LRRC4C: variants seen among roughly 807,000 people sequenced by gnomAD.
The protein encoded by LRRC4C is leucine-rich repeat-containing protein 4C.
In LRRC4C, 5 loss-of-function variants were observed where a neutral mutation model predicts 33.6. The ratio of observed to expected loss-of-function variants is 0.15; its 90% confidence interval spans 0.08 to 0.31. LRRC4C has a LOEUF of 0.31. LRRC4C is among the 10% of genes least tolerant of loss of function. LRRC4C has a pLI of 1.00. For missense variants in LRRC4C, 560 were observed against 796.7 expected, an observed-to-expected ratio of 0.70 and a Z score of 3.58; for synonymous variants, 329 against 302.0, an observed-to-expected ratio of 1.09 and a Z score of -0.93.
chr11:41,392,667 G>A (rs555601354), intron 1 of LRRC4C, among the ~76,000 whole-genome samples: 9 of 151,962 alleles, frequency 5.9e-5, no homozygotes, highest in Non-Finnish European at 1.2e-4. Context: ...AAATTAAGGT[G>A]AGCCAGAAAT....
rs1024159794 is a variant in LRRC4C at position 40,127,903 on chromosome 11, T to C, written c.-42-11569A>G. 5.9e-5 allele frequency among the ~76,000 whole-genome samples: 9 copies of C among 152,354 alleles called. 1 individual carries two copies. The highest frequency in any genetic ancestry group is 1.9e-4 in the African/African-American group (8 of 41,588). On this transcript the variant is annotated intron_variant, in intron 6 of 6. Transcript: ENST00000528697. ...AAGTCAGGAAAAGAGGCATCTTTGA[T>C]ATCTAGAGTGGCTCATGTCCATGCT...
chr11:41,033,720 C>A (rs1381583), intron 1 of LRRC4C, among the ~76,000 whole-genome samples: 78,516 of 151,896 alleles, frequency 0.52, 21,007 homozygotes, highest in East Asian at 0.65. Context: ...AAGTCCTCCA[C>A]ATCTTATCAA....
Position 41,214,575 on chromosome 11 carries a change from C to CAAAAA in LRRC4C, c.-496+244851_-496+244855dup, listed in dbSNP as rs547167050. ...TGAAACCCCGTCTCTACTAAAAATACAAAAAAAAAAAAAAAAAAAAAAAAA... is the reference window on the plus strand; with the variant it reads ...TGAAACCCCGTCTCTACTAAAAATACAAAAAAAAAAAAAAAAAAAAAAAAAAAAAA... On this transcript the variant is annotated intron_variant, in intron 1 of 6. Coordinates refer to ENST00000528697, the MANE Select transcript of LRRC4C (RefSeq NM_001258419.2). Among the ~76,000 whole-genome samples the CAAAAA allele has an allele frequency of 2.7e-3, 95 of 34,760 alleles. 1 individual carries two copies. Among genetic ancestry groups the CAAAAA allele is most frequent in the African/African-American group, 0.01 (87 of 8,426 alleles). The allele number at this position is 34,760 out of a possible 152,430, so 22.8% of individuals were successfully genotyped here. A position where few individuals can be genotyped will look rare whatever the true frequency, so the allele number is the denominator to read the frequency against.
chr11:40,828,723 T>C (rs1221541773), intron 2 of LRRC4C, among the ~76,000 whole-genome samples: 4 of 150,448 alleles, frequency 2.7e-5, no homozygotes, highest in African/African-American at 1.0e-4. Flanking sequence ...GTTTACCCTC[T>C]CTAGGATTTC....
rs1958531638 is a variant in LRRC4C at position 40,948,561 on chromosome 11, C to G, written c.-495-14838G>C. Among the ~76,000 whole-genome samples, 3 of 138,142 alleles carry G rather than the reference C, an allele frequency of 2.2e-5. No individual in the cohort carries two copies. In the South Asian group the frequency reaches 7.7e-4, roughly 35 times the overall value. The allele number at this position is 138,142 out of a possible 152,430, so 90.6% of individuals were successfully genotyped here. A position where few individuals can be genotyped will look rare whatever the true frequency, so the allele number is the denominator to read the frequency against. On this transcript the variant is annotated intron_variant, in intron 1 of 6. Transcript: ENST00000528697. ...GTCCCCAGAGTGTGATGTTCCCCTTCCTGTGTCCATGTGTTCTCATTGTTC... is the reference window on the plus strand; with the variant it reads ...GTCCCCAGAGTGTGATGTTCCCCTTGCTGTGTCCATGTGTTCTCATTGTTC...
intron 2 of LRRC4C, among the ~76,000 whole-genome samples, chr11:40,658,084 A>G (rs888266031): frequency 5.3e-5 from 8 of 152,232 alleles, no homozygotes; most frequent in African/African-American, 1.7e-4. Context: ...GAAGCAAAAC[A>G]TCATTAAAAT....
intron 1 of LRRC4C, among the ~76,000 whole-genome samples, chr11:41,308,489 G>A (rs972719648): frequency 6.6e-6 from 1 of 152,118 alleles, no homozygotes; most frequent in Admixed American, 6.5e-5. Flanking sequence ...GTCCCCTGCT[G>A]GGTGGGGACA....
chr11:40,965,944 A>G (rs1385214480), intron 1 of LRRC4C, among the ~76,000 whole-genome samples: 1 of 152,072 alleles, frequency 6.6e-6, no homozygotes, highest in Non-Finnish European at 1.5e-5. Context: ...CCTTGAATCT[A>G]TAAATTACCT....
intron 2 of LRRC4C, among the ~76,000 whole-genome samples, chr11:40,793,927 A>T (rs1440369791): frequency 1.3e-5 from 2 of 152,150 alleles, no homozygotes; most frequent in East Asian, 3.9e-4. Flanking sequence ...CTTCTCTCTT[A>T]TCTTCGTATA....
At chr11:40,197,914 A>G (rs936728642) in intron 5 of LRRC4C, among the ~76,000 whole-genome samples, 7 of 152,222 alleles carry the variant, frequency 4.6e-5, no homozygotes, top group Non-Finnish European at 1.0e-4. Flanking sequence ...TGTGCCAAAT[A>G]CTATATTATT....
chr11:40,463,305 G>GGTGTGTGTGT (rs33911904), intron 3 of LRRC4C, among the ~76,000 whole-genome samples: 57 of 144,592 alleles, frequency 3.9e-4, no homozygotes, highest in East Asian at 1.7e-3. Flanking sequence ...ATGTGTTACT[G>GGTGTGTGTGT]GTGTGTGTGT....
At chr11:40,248,623 A>T (rs1375209562) in intron 4 of LRRC4C, among the ~76,000 whole-genome samples, 1 of 152,148 alleles carries the variant, frequency 6.6e-6, no homozygotes, top group Non-Finnish European at 1.5e-5. Flanking sequence ...GGATCACCTG[A>T]GCCCAGGAGT....
At chr11:40,525,058 A>G (rs1355760650) in intron 3 of LRRC4C, among the ~76,000 whole-genome samples, 1 of 151,530 alleles carries the variant, frequency 6.6e-6, no homozygotes, top group African/African-American at 2.4e-5. Context: ...CATAGCAAGA[A>G]GAAGAATAGT....
At chr11:41,374,569 C>A (rs955126400) in intron 1 of LRRC4C, among the ~76,000 whole-genome samples, 12 of 151,904 alleles carry the variant, frequency 7.9e-5, no homozygotes, top group African/African-American at 2.2e-4. Flanking sequence ...ACAAAAAAGA[C>A]GGACTATTTT....
intron 5 of LRRC4C, among the ~76,000 whole-genome samples, chr11:40,152,001 C>T (rs1241886240): frequency 6.6e-6 from 1 of 152,142 alleles, no homozygotes; most frequent in Admixed American, 6.5e-5. Flanking sequence ...CATCCAGAGG[C>T]TTGCACTGTG....
At chr11:41,359,391 T>C (rs1453211078) in intron 1 of LRRC4C, among the ~76,000 whole-genome samples, 2 of 152,140 alleles carry the variant, frequency 1.3e-5, no homozygotes, top group Non-Finnish European at 2.9e-5. Context: ...CTGTAACAAA[T>C]GTACTACTCG....
intron 3 of LRRC4C, among the ~76,000 whole-genome samples, chr11:40,442,496 T>C (rs558302113): frequency 6.6e-6 from 1 of 152,216 alleles, no homozygotes; most frequent in African/African-American, 2.4e-5. Flanking sequence ...ATAAGATAAA[T>C]GCTAGGATAG....
intron 3 of LRRC4C, among the ~76,000 whole-genome samples, chr11:40,551,601 A>G (rs1280325701): frequency 1.3e-5 from 2 of 152,124 alleles, no homozygotes; most frequent in African/African-American, 2.4e-5. Context: ...CCTGTACTCC[A>G]TATTTCTAAT....
intron 3 of LRRC4C, chr11:40,445,355 T>C (rs1038377594): frequency 5.2e-5 from 8 of 153,060 alleles, no homozygotes; most frequent in African/African-American, 1.4e-4. Context: ...GGTTTCCACT[T>C]GTGAGTTTTC....
Sources: gnomAD v4.1 joint callset for allele counts (sites outside exome capture counted in the v4.1 genomes callset) on GRCh38, gnomAD v4.1.1 for gene constraint, MANE v1.5 for transcripts, NCBI Gene and HGNC (gene_info 2026-07-23, HGNC 2026-07-21) for gene names.